ITPR2: variants seen among roughly 807,000 people sequenced by gnomAD.
ITPR2 encodes inositol 1,4,5-trisphosphate receptor type 2.
A neutral mutation model predicts 317.1 loss-of-function variants in ITPR2; 207 were observed. That is an observed-to-expected ratio of 0.65 (90% CI 0.58 to 0.73). The LOEUF is 0.73. ITPR2 is among the 30% of genes least tolerant of loss of function. ITPR2 has a pLI of 0.00. For missense variants in ITPR2, 2,613 were observed against 3,284.0 expected, an observed-to-expected ratio of 0.80 and a Z score of 4.99; for synonymous variants, 1,156 against 1,149.1, an observed-to-expected ratio of 1.01 and a Z score of -0.12.
chr12:26,712,861 A>G (rs1948673841), intron 8 of ITPR2, among the ~76,000 whole-genome samples: 1 of 152,250 alleles, frequency 6.6e-6, no homozygotes, highest in Admixed American at 6.5e-5. Context: ...TGCTATTGGC[A>G]TTTAATATGC....
At chr12:26,500,898 AG>A (rs1411365422) in intron 37 of ITPR2, among the ~76,000 whole-genome samples, 11 of 152,228 alleles carry the variant, frequency 7.2e-5, no homozygotes, top group African/African-American at 2.7e-4. Context: ...GAAGACTTCA[AG>A]GATGTGTGAT....
chr12:26,596,509 T>C (rs1945849273), intron 31 of ITPR2, among the ~76,000 whole-genome samples: 1 of 152,028 alleles, frequency 6.6e-6, no homozygotes. Context: ...TAGCTGAGCA[T>C]GGTGGCACAT....
At chr12:26,791,657 G>C (rs1950343534) in intron 1 of ITPR2, among the ~76,000 whole-genome samples, 1 of 152,026 alleles carries the variant, frequency 6.6e-6, no homozygotes, top group Admixed American at 6.6e-5. Context: ...TACAAGAGCT[G>C]CCAGGCATGC....
chr12:26,597,718 TTAAGA>T (rs1945883965), intron 30 of ITPR2, among the ~76,000 whole-genome samples: 1 of 152,202 alleles, frequency 6.6e-6, no homozygotes, highest in Non-Finnish European at 1.5e-5. Context: ...GTAGGGTCTT[TTAAGA>T]CATAAATTTT....
At chr12:26,544,414 T>TA (rs1281341315) in intron 37 of ITPR2, among the ~76,000 whole-genome samples, 1 of 152,176 alleles carries the variant, frequency 6.6e-6, no homozygotes, top group Non-Finnish European at 1.5e-5. Context: ...ATCCTTAATG[T>TA]AATTCCTTAA....
chr12:26,756,672 A>G (rs183312398), intron 2 of ITPR2, among the ~76,000 whole-genome samples: 1 of 152,306 alleles, frequency 6.6e-6, no homozygotes, highest in African/African-American at 2.4e-5. Context: ...AACACAAGAG[A>G]TGCTAATAGG....
intron 26 of ITPR2, among the ~76,000 whole-genome samples, chr12:26,607,584 C>G (rs1272997781): frequency 6.6e-6 from 1 of 152,048 alleles, no homozygotes; most frequent in African/African-American, 2.4e-5. Context: ...GTTTCTGCTT[C>G]CCTGGGAAGC....
intron 2 of ITPR2, among the ~76,000 whole-genome samples, chr12:26,772,745 T>G (rs1949894538): frequency 6.6e-6 from 1 of 151,488 alleles, no homozygotes; most frequent in Non-Finnish European, 1.5e-5. Context: ...TTTTTTCTTT[T>G]TCTTTTTTTA....
At chr12:26,641,849 G>A (rs904447749) in intron 21 of ITPR2, among the ~76,000 whole-genome samples, 5 of 152,144 alleles carry the variant, frequency 3.3e-5, no homozygotes, top group African/African-American at 9.7e-5. Flanking sequence ...GTGGAATGAG[G>A]AGAGTCCTTT....
chr12:26,524,099 C>T (rs1489627218), intron 37 of ITPR2, among the ~76,000 whole-genome samples: 10 of 152,300 alleles, frequency 6.6e-5, no homozygotes, highest in South Asian at 2.1e-4. Flanking sequence ...AAGATTATAA[C>T]GGGATAGAAG....
intron 26 of ITPR2, among the ~76,000 whole-genome samples, chr12:26,608,802 A>AAAAAAAAG (rs1555166017): frequency 6.7e-6 from 1 of 149,022 alleles, no homozygotes; most frequent in African/African-American, 2.5e-5. Context: ...AAAAAAAAAA[A>AAAAAAAAG]AACACATCAG....
intron 28 of ITPR2, 36 bp from the exon 29 acceptor site, chr12:26,600,145 C>T: frequency 1.9e-6 from 3 of 1,571,926 alleles, no homozygotes; most frequent in Non-Finnish European, 2.6e-6. Context: ...TAGAAACAAA[C>T]ATAGGAGACA....
chr12:26,508,117 T>C (rs1465862547), intron 37 of ITPR2, among the ~76,000 whole-genome samples: 2 of 152,200 alleles, frequency 1.3e-5, no homozygotes, highest in Non-Finnish European at 2.9e-5. Context: ...ATTTCTCTCC[T>C]GCATGTTTTA....
At chr12:26,496,761 G>C (rs1256750458) in intron 37 of ITPR2, among the ~76,000 whole-genome samples, 1 of 151,938 alleles carries the variant, frequency 6.6e-6, no homozygotes. Flanking sequence ...GGCTAACACA[G>C]TGAAACCCCG....
chr12:26,555,975 T>C (rs1944652315), intron 36 of ITPR2, among the ~76,000 whole-genome samples: 1 of 152,240 alleles, frequency 6.6e-6, no homozygotes, highest in South Asian at 2.1e-4. Flanking sequence ...CAAAATATTA[T>C]TTTGCATGAT....
Position 26,449,129 on chromosome 12 carries a change from T to C in ITPR2, c.6343-5479A>G, listed in dbSNP as rs192246479. Among the ~76,000 whole-genome samples the C allele has an allele frequency of 7.2e-5, 11 of 152,274 alleles. No individual in the cohort carries two copies. The East Asian group carries it at 2.1e-3, about 29-fold the overall frequency. On this transcript the variant is annotated intron_variant, in intron 45 of 56. Coordinates refer to ENST00000381340, the MANE Select transcript of ITPR2 (RefSeq NM_002223.4). ...CAATAATAATTATTCCCTAGTACTTTTCATCTGTATTTTTTTAATGTGAGT... is the reference window on the plus strand; with the variant it reads ...CAATAATAATTATTCCCTAGTACTTCTCATCTGTATTTTTTTAATGTGAGT...
At chr12:26,776,753 C>A (rs959269460) in intron 2 of ITPR2, among the ~76,000 whole-genome samples, 2 of 152,194 alleles carry the variant, frequency 1.3e-5, no homozygotes, top group African/African-American at 4.8e-5. Context: ...ATAAACCCTG[C>A]ACTGCCTGAA....
At chr12:26,654,160 G>T in intron 20 of ITPR2, 34 bp from the exon 21 acceptor site, 1 of 1,505,668 alleles carries the variant, frequency 6.6e-7, no homozygotes, top group Non-Finnish European at 8.8e-7. Flanking sequence ...GAGGGGGAGG[G>T]TGAAAGAGTG....
At chr12:26,778,968 G>A (rs1865100356) in intron 2 of ITPR2, among the ~76,000 whole-genome samples, 1 of 152,174 alleles carries the variant, frequency 6.6e-6, no homozygotes, top group African/African-American at 2.4e-5. Flanking sequence ...GGATTTTGGA[G>A]GCAACACATT....
Sources: gnomAD v4.1 joint callset for allele counts (sites outside exome capture counted in the v4.1 genomes callset) on GRCh38, gnomAD v4.1.1 for gene constraint, MANE v1.5 for transcripts, NCBI Gene and HGNC (gene_info 2026-07-23, HGNC 2026-07-21) for gene names.